The following PCDH15 variants were observed in gnomAD, a reference collection of about 807,000 sequenced individuals.
The protein encoded by PCDH15 is protocadherin-15.
A neutral mutation model predicts 178.5 loss-of-function variants in PCDH15; 129 were observed. That is an observed-to-expected ratio of 0.72 (90% confidence interval 0.63 to 0.84). PCDH15 has a LOEUF of 0.84. Ranked by LOEUF, PCDH15 falls within the 40% of genes least tolerant of loss-of-function variation. The pLI is 0.00. For missense variants in PCDH15, 2,230 were observed against 2,099.9 expected, an observed-to-expected ratio of 1.06 and a Z score of -1.21; for synonymous variants, 800 against 732.0, an observed-to-expected ratio of 1.09 and a Z score of -1.50.
chr10:54,114,945 G>A (rs986318604), intron 15 of PCDH15, among the ~76,000 whole-genome samples: 7 of 152,090 alleles, frequency 4.6e-5, no homozygotes, highest in Non-Finnish European at 8.8e-5. Context: ...AGCCATGTCA[G>A]GAATTTAACA....
rs530571757 is a variant in PCDH15, at chr10:55,465,971, C to T, written c.-156+161654G>A. ...CTTGTCACTGCTTTTACGATATCAGCGTCACTGAATGAACTTCATTGTATA... is the reference window on the plus strand; with the variant it reads ...CTTGTCACTGCTTTTACGATATCAGTGTCACTGAATGAACTTCATTGTATA... On this transcript the variant is annotated intron_variant, in intron 2 of 5. Transcript: ENST00000613346. 8.7e-4 allele frequency among the ~76,000 whole-genome samples: 132 copies of T among 152,256 alleles called. 2 individuals are homozygous for T. Among genetic ancestry groups the T allele is most frequent in the African/African-American group, 3.0e-3 (125 of 41,558 alleles).
chr10:54,499,712 C>A (rs1041767601), intron 3 of PCDH15, among the ~76,000 whole-genome samples: 2 of 152,006 alleles, frequency 1.3e-5, no homozygotes, highest in African/African-American at 4.8e-5. Context: ...ATGCATCAAT[C>A]AATAAGTTAG....
chr10:54,887,229 A>T (rs1954376095), intron 3 of PCDH15, among the ~76,000 whole-genome samples: 2 of 152,132 alleles, frequency 1.3e-5, no homozygotes, highest in Non-Finnish European at 2.9e-5. Context: ...TGTTTGTTTT[A>T]CTCTCCTTGG....
intron 1 of PCDH15, among the ~76,000 whole-genome samples, chr10:54,774,126 T>G (rs1054420231): frequency 6.9e-6 from 1 of 144,906 alleles, no homozygotes. Flanking sequence ...CCTCCTGGGT[T>G]CACACCACTC....
intron 8 of PCDH15, among the ~76,000 whole-genome samples, chr10:54,303,700 C>A (rs554326901): frequency 3.3e-5 from 5 of 152,196 alleles, no homozygotes; most frequent in African/African-American, 1.2e-4. Context: ...ATATTTATAA[C>A]CTAAGTATAC....
intron 23 of PCDH15, among the ~76,000 whole-genome samples, chr10:53,945,837 G>GTACATA (rs1554876098): frequency 4.2e-5 from 5 of 119,446 alleles, no homozygotes; most frequent in African/African-American, 6.4e-5. Context: ...ATATTTCATT[G>GTACATA]TATATATATA....
chr10:55,574,696 T>A (rs1172692478), intron 2 of PCDH15, among the ~76,000 whole-genome samples: 1 of 151,718 alleles, frequency 6.6e-6, no homozygotes, highest in Non-Finnish European at 1.5e-5. Context: ...GAAAGAAAAA[T>A]ATGGTGATAG....
chr10:54,593,146 C>A (rs943481733), intron 2 of PCDH15, among the ~76,000 whole-genome samples: 2 of 152,078 alleles, frequency 1.3e-5, no homozygotes, highest in Non-Finnish European at 2.9e-5. Context: ...TTGATTGTTT[C>A]TTTTACTGTG....
chr10:53,871,014 C>A (rs1422821377), intron 26 of PCDH15, among the ~76,000 whole-genome samples: 2 of 151,762 alleles, frequency 1.3e-5, no homozygotes, highest in Non-Finnish European at 2.9e-5. Flanking sequence ...GAGGTGGACT[C>A]CAATGTCAGG....
Position 53,821,339 on chromosome 10 carries a change from T to C in PCDH15, c.4368-1109A>G, listed in dbSNP as rs529132347. 18 of 989,834 alleles carry C rather than the reference T, an allele frequency of 1.8e-5. No individual in the cohort carries two copies. In the African/African-American group the frequency reaches 3.1e-4, roughly 17 times the overall value. The allele number at this position is 989,834 out of a possible 1,614,324, so 61.3% of individuals were successfully genotyped here. A position where few individuals can be genotyped will look rare whatever the true frequency, so the allele number is the denominator to read the frequency against. ...ATTTTGAAATACCTTATGTCTGTCA[T>C]CTCCTACAATCTAGGTACATTATAT... On this transcript the variant is annotated intron_variant, in intron 32 of 37. Transcript: ENST00000644397.
chr10:54,617,723 G>GCC (rs1266070969), intron 2 of PCDH15, among the ~76,000 whole-genome samples: 1 of 144,858 alleles, frequency 6.9e-6, no homozygotes, highest in Non-Finnish European at 1.5e-5. Flanking sequence ...GACCAACCTG[G>GCC]CCAAGATGGT....
chr10:53,821,703 GTTAATATCT>G, intron 32 of PCDH15: 1 of 1,450,566 alleles, frequency 6.9e-7, no homozygotes, highest in Non-Finnish European at 9.0e-7. Context: ...TAGTGATGAG[GTTAATATCT>G]TTTTAAATTA....
At chr10:55,013,506 C>T (rs992169576) in intron 2 of PCDH15, among the ~76,000 whole-genome samples, 2 of 139,706 alleles carry the variant, frequency 1.4e-5, no homozygotes, top group Non-Finnish European at 1.6e-5. Context: ...CTGCCTTTCC[C>T]TTAACTCAGA....
intron 2 of PCDH15, among the ~76,000 whole-genome samples, chr10:55,133,673 G>T (rs1415760317): frequency 6.6e-6 from 1 of 152,126 alleles, no homozygotes; most frequent in African/African-American, 2.4e-5. Flanking sequence ...TATAAATTAT[G>T]GATCTTCTTT....
At chr10:54,476,849 T>C (rs1157948917) in intron 3 of PCDH15, among the ~76,000 whole-genome samples, 1 of 152,148 alleles carries the variant, frequency 6.6e-6, no homozygotes, top group African/African-American at 2.4e-5. Context: ...GATTCCATCA[T>C]CACTCTTCTC....
chr10:54,343,648 G>A (rs1227794952), intron 6 of PCDH15, among the ~76,000 whole-genome samples: 5 of 148,146 alleles, frequency 3.4e-5, no homozygotes, highest in Non-Finnish European at 7.5e-5. Flanking sequence ...GATTTGCGGG[G>A]GGAGGTGGGA....
intron 2 of PCDH15, among the ~76,000 whole-genome samples, chr10:54,651,288 G>A (rs970430335): frequency 1.3e-5 from 2 of 152,170 alleles, no homozygotes; most frequent in African/African-American, 2.4e-5. Context: ...ATTGGTGTAT[G>A]TTGAGAAATT....
intron 1 of PCDH15, among the ~76,000 whole-genome samples, chr10:54,702,543 C>CAAAAAAA (rs375110960): frequency 3.2e-5 from 4 of 125,670 alleles, no homozygotes; most frequent in Non-Finnish European, 3.2e-5. Flanking sequence ...CACAGAAATA[C>CAAAAAAA]AAAAAAAAAA....
intron 13 of PCDH15, among the ~76,000 whole-genome samples, chr10:54,179,808 C>A (rs1311130793): frequency 6.6e-6 from 1 of 152,066 alleles, no homozygotes; most frequent in Non-Finnish European, 1.5e-5. Flanking sequence ...TGCTAATAGT[C>A]AATTATCATT....
Sources: gnomAD v4.1 joint callset for allele counts (sites outside exome capture counted in the v4.1 genomes callset) on GRCh38, gnomAD v4.1.1 for gene constraint, MANE v1.5 for transcripts, NCBI Gene and HGNC (gene_info 2026-07-23, HGNC 2026-07-21) for gene names.